IQGAP2: variants seen among roughly 807,000 people sequenced by gnomAD.
The protein encoded by IQGAP2 is IQ motif containing GTPase activating protein 2.
In IQGAP2, 173 loss-of-function variants were observed where a neutral mutation model predicts 201.3. That is an observed-to-expected ratio of 0.86 (90% confidence interval 0.76 to 0.98). The LOEUF (loss-of-function observed/expected upper bound fraction) is 0.98, where lower values mean the gene tolerates loss of function less well. Among genes scored for constraint, IQGAP2 ranks in the 50% least tolerant of loss-of-function variants. The pLI, the probability that IQGAP2 is intolerant of heterozygous loss-of-function variation, is 0.00. For missense variants in IQGAP2, 1,687 were observed against 1,864.8 expected (o/e 0.90, Z 1.76); for synonymous variants, 675 against 673.9 (o/e 1.00, Z -0.03).
chr5:76,674,903 G>T (rs530722719), intron 27 of IQGAP2, among the ~76,000 whole-genome samples, 194 bp downstream of exon 27: 2 of 152,240 alleles, frequency 1.3e-5, no homozygotes, highest in East Asian at 3.9e-4. Flanking sequence ...CGATCCTATC[G>T]CACCCCCACC....
At chr5:76,620,957 A>T (rs2069660) in intron 13 of IQGAP2, among the ~76,000 whole-genome samples, 2,262 of 152,340 alleles carry the variant, frequency 0.015, 53 homozygotes, top group African/African-American at 0.052. Context: ...TTATTATTAT[A>T]TAACTTTTTG....
At chr5:76,508,500 G>A (rs1212763259) in intron 2 of IQGAP2, among the ~76,000 whole-genome samples, 3 of 152,098 alleles carry the variant, frequency 2.0e-5, no homozygotes, top group Non-Finnish European at 4.4e-5. Context: ...CTGGTACAGA[G>A]GGTGGCTTCC....
At chr5:76,649,614 A>G (rs979468305) in intron 17 of IQGAP2, among the ~76,000 whole-genome samples, 1 of 152,190 alleles carries the variant, frequency 6.6e-6, no homozygotes, top group African/African-American at 2.4e-5. Context: ...GTTTCTCTCA[A>G]GGGATGGCGT....
At chr5:76,655,109 C>G in intron 20 of IQGAP2, 106 bp downstream of exon 20, 1 of 721,812 alleles carries the variant, frequency 1.4e-6, no homozygotes, top group East Asian at 2.6e-5. Context: ...ACAGAGGATA[C>G]CCATTGTTTC....
chr5:76,538,196 A>G (rs1759737568), intron 2 of IQGAP2, among the ~76,000 whole-genome samples: 1 of 152,128 alleles, frequency 6.6e-6, no homozygotes, highest in South Asian at 2.1e-4. Context: ...TTATCAATCC[A>G]TCAGATCTCG....
At chr5:76,518,258 G>A (rs1480662088) in intron 2 of IQGAP2, among the ~76,000 whole-genome samples, 5 of 152,236 alleles carry the variant, frequency 3.3e-5, no homozygotes, top group East Asian at 3.9e-4. Flanking sequence ...CACCACACCC[G>A]GCCCAAGAAA....
chr5:76,448,760 T>A (rs1437242076), intron 1 of IQGAP2, among the ~76,000 whole-genome samples: 1 of 152,210 alleles, frequency 6.6e-6, no homozygotes, highest in Non-Finnish European at 1.5e-5. Flanking sequence ...CCACATGGAC[T>A]ATGAATACTG....
At chr5:76,627,553 G>A in intron 14 of IQGAP2, 53 bp downstream of exon 14, 2 of 924,978 alleles carry the variant, frequency 2.2e-6, no homozygotes, top group Non-Finnish European at 3.5e-6. Flanking sequence ...ATTTGGTTAT[G>A]TGCCTGAAGT....
In IQGAP2 at chr5:76,592,843, C is replaced by T. The variant is rs1463827415; in HGVS notation, c.825C>T (p.Ser275=). The stretch of plus-strand genomic sequence containing the variant: ...GTGAAGACTTTGTTTTGCAGAATAG[C>T]TGTATTTCAGAAGAAGAAAGAGATG... ...KKEENARLKN[S]CISEEERDAY... is the part of the protein sequence containing the mutation. Residue 275 remains serine (S), a synonymous_variant, in exon 9 of 36, where the codon AGC becomes AGT. Transcript: ENST00000274364. 6.2e-7 allele frequency: 1 copy of T among 1,600,344 alleles called. No homozygotes were observed. The highest frequency in any genetic ancestry group is 2.2e-5 in the East Asian group (1 of 44,808).
chr5:76,478,121 A>G (rs1045029604), intron 2 of IQGAP2, among the ~76,000 whole-genome samples: 2 of 152,022 alleles, frequency 1.3e-5, no homozygotes, highest in African/African-American at 2.4e-5. Context: ...CTGGAGTGCA[A>G]TGGTGTGGTG....
At chr5:76,670,581 G>T (rs1440316953) in intron 23 of IQGAP2, among the ~76,000 whole-genome samples, 1 of 152,094 alleles carries the variant, frequency 6.6e-6, no homozygotes, top group Non-Finnish European at 1.5e-5. Context: ...AAATAAAAAG[G>T]AATGACTGGG....
intron 30 of IQGAP2, among the ~76,000 whole-genome samples, chr5:76,690,483 C>T (rs988770619): frequency 6.6e-5 from 10 of 152,178 alleles, no homozygotes; most frequent in African/African-American, 1.9e-4. Context: ...AAAGGTCTCT[C>T]TCCGGGCCAC....
chr5:76,476,442 G>A (rs1755435054), intron 2 of IQGAP2, among the ~76,000 whole-genome samples: 1 of 152,188 alleles, frequency 6.6e-6, no homozygotes, highest in Admixed American at 6.5e-5. Flanking sequence ...ACCACCCCTG[G>A]AGTGGGTTTA....
At chr5:76,622,713 CTTA>C (rs1438220295) in intron 13 of IQGAP2, among the ~76,000 whole-genome samples, 2 of 152,142 alleles carry the variant, frequency 1.3e-5, no homozygotes, top group Non-Finnish European at 2.9e-5. Context: ...GAAATACTGA[CTTA>C]TTAGCATTGC....
intron 2 of IQGAP2, among the ~76,000 whole-genome samples, chr5:76,485,266 T>A (rs1756048296): frequency 6.6e-6 from 1 of 152,210 alleles, no homozygotes; most frequent in African/African-American, 2.4e-5. Flanking sequence ...TCGGTAAGTA[T>A]ATTTTTGTGG....
intron 1 of IQGAP2, among the ~76,000 whole-genome samples, chr5:76,420,528 A>G (rs866939543): frequency 2.0e-5 from 3 of 151,994 alleles, no homozygotes; most frequent in South Asian, 2.1e-4. Context: ...GGTGCCTGCC[A>G]CCACGCCCGG....
chr5:76,436,401 T>C (rs1415948528), intron 1 of IQGAP2, among the ~76,000 whole-genome samples: 1 of 146,714 alleles, frequency 6.8e-6, no homozygotes, highest in Non-Finnish European at 1.5e-5. Flanking sequence ...CTTCTATGCC[T>C]GATTTGTTGA....
chr5:76,705,627 A>G (rs980232989), intron 35 of IQGAP2, among the ~76,000 whole-genome samples: 2 of 152,250 alleles, frequency 1.3e-5, no homozygotes, highest in East Asian at 1.9e-4. Context: ...AGCTAAAAGT[A>G]TTATTGATGA....
intron 22 of IQGAP2, among the ~76,000 whole-genome samples, chr5:76,666,519 A>G (rs1743769416): frequency 6.6e-6 from 1 of 152,210 alleles, no homozygotes; most frequent in Non-Finnish European, 1.5e-5. Context: ...AAGAAGAAAA[A>G]GTGCAGGAGC....
Sources: gnomAD v4.1 joint callset for allele counts (sites outside exome capture counted in the v4.1 genomes callset) on GRCh38, gnomAD v4.1.1 for gene constraint, MANE v1.5 for transcripts, NCBI Gene and HGNC (gene_info 2026-07-23, HGNC 2026-07-21) for gene names.